MITF: variants seen among roughly 807,000 people sequenced by gnomAD.
The protein encoded by MITF is microphthalmia-associated transcription factor.
A neutral mutation model predicts 60.5 loss-of-function variants in MITF; 17 were observed. The ratio of observed to expected loss-of-function variants is 0.28; its 90% CI spans 0.19 to 0.42. The LOEUF (loss-of-function observed/expected upper bound fraction) is 0.42, where lower values mean the gene tolerates loss of function less well. Ranked by LOEUF, MITF falls within the 10% of genes least tolerant of loss-of-function variation. MITF has a pLI of 1.00. For missense variants in MITF, 622 were observed against 683.5 expected, an observed-to-expected ratio of 0.91 and a Z score of 1.00; for synonymous variants, 260 against 248.5, an observed-to-expected ratio of 1.05 and a Z score of -0.43.
chr3:69,942,915 G>C (rs2066003086), intron 5 of MITF, among the ~76,000 whole-genome samples: 1 of 152,108 alleles, frequency 6.6e-6, no homozygotes, highest in South Asian at 2.1e-4. Context: ...TTTGCTGTGA[G>C]AGTGGTCATT....
intron 1 of MITF, among the ~76,000 whole-genome samples, chr3:69,775,618 T>G (rs1157097051): frequency 6.6e-6 from 1 of 152,218 alleles, no homozygotes; most frequent in African/African-American, 2.4e-5. Context: ...TAATTCTGTT[T>G]CCAGAAATGA....
At chr3:69,946,480 C>T (rs573361524) in intron 5 of MITF, among the ~76,000 whole-genome samples, 2 of 152,208 alleles carry the variant, frequency 1.3e-5, no homozygotes, top group Admixed American at 6.5e-5. Context: ...CGTGAGCCTC[C>T]GACCAAAAAC....
At chr3:69,826,835 C>G (rs2063362840) in intron 1 of MITF, among the ~76,000 whole-genome samples, 1 of 152,134 alleles carries the variant, frequency 6.6e-6, no homozygotes, top group South Asian at 2.1e-4. Flanking sequence ...GCTTATTTTA[C>G]TATTTGTATC....
chr3:69,883,337 C>G (rs753464481), intron 2 of MITF, among the ~76,000 whole-genome samples: 2 of 152,146 alleles, frequency 1.3e-5, no homozygotes, highest in African/African-American at 2.4e-5. Flanking sequence ...TGGTGGTTAT[C>G]TCGTCAAAGT....
chr3:69,781,375 A>G (rs2062561122), intron 1 of MITF, among the ~76,000 whole-genome samples: 1 of 152,268 alleles, frequency 6.6e-6, no homozygotes, highest in African/African-American at 2.4e-5. Context: ...ACTAAAATGT[A>G]CTTTATCATG....
At chr3:69,935,130 T>G (rs2065804383) in intron 2 of MITF, among the ~76,000 whole-genome samples, 1 of 152,222 alleles carries the variant, frequency 6.6e-6, no homozygotes, top group East Asian at 1.9e-4. Flanking sequence ...TTATGTTGCC[T>G]GTTTGAGGTA....
intron 1 of MITF, among the ~76,000 whole-genome samples, chr3:69,848,162 A>G (rs1229269227): frequency 6.6e-6 from 1 of 152,224 alleles, no homozygotes; most frequent in Non-Finnish European, 1.5e-5. Flanking sequence ...TTCAGAGAGA[A>G]TTGTTGGAAT....
intron 2 of MITF, among the ~76,000 whole-genome samples, chr3:69,929,555 A>G (rs567673309): frequency 6.6e-6 from 1 of 152,176 alleles, no homozygotes; most frequent in East Asian, 1.9e-4. Flanking sequence ...TGTGAATAGC[A>G]TTGATGTAGG....
chr3:69,925,217 C>T (rs1485972731), intron 2 of MITF, among the ~76,000 whole-genome samples: 1 of 152,022 alleles, frequency 6.6e-6, no homozygotes, highest in Non-Finnish European at 1.5e-5. Context: ...GATCCATGAG[C>T]CCATTTTGTA....
chr3:69,827,985 A>C (rs1438643754), intron 1 of MITF, among the ~76,000 whole-genome samples: 1 of 152,188 alleles, frequency 6.6e-6, no homozygotes, highest in Non-Finnish European at 1.5e-5. Flanking sequence ...TGCAGCTTCA[A>C]AGTAAGAGTT....
chr3:69,779,812 C>T (rs972568246), intron 1 of MITF, among the ~76,000 whole-genome samples: 3 of 152,106 alleles, frequency 2.0e-5, no homozygotes, highest in African/African-American at 7.2e-5. Flanking sequence ...CCAGTAGTAA[C>T]ATTTAGTATA....
chr3:69,847,419 C>G (rs776960602), intron 1 of MITF, among the ~76,000 whole-genome samples: 5 of 152,134 alleles, frequency 3.3e-5, no homozygotes, highest in South Asian at 2.1e-4. Context: ...GGCGTGAAGG[C>G]CAGACCTAGT....
chr3:69,744,528 T>A (rs558286980), intron 1 of MITF, among the ~76,000 whole-genome samples: 2 of 152,288 alleles, frequency 1.3e-5, no homozygotes, highest in South Asian at 4.1e-4. Context: ...ATATAAGTGT[T>A]ACATTGACTG....
intron 2 of MITF, among the ~76,000 whole-genome samples, chr3:69,921,747 A>G (rs998407606): frequency 1.3e-5 from 2 of 152,194 alleles, no homozygotes; most frequent in African/African-American, 4.8e-5. Context: ...GGGCTTGACT[A>G]GTTTCTGTGC....
intron 1 of MITF, among the ~76,000 whole-genome samples, chr3:69,760,935 T>G (rs2062202567): frequency 6.6e-6 from 1 of 152,210 alleles, no homozygotes; most frequent in African/African-American, 2.4e-5. Flanking sequence ...CTTGGAATTC[T>G]TTTAGAAAGA....
chr3:69,839,923 G>C (rs1232526441), intron 1 of MITF, among the ~76,000 whole-genome samples: 3 of 150,710 alleles, frequency 2.0e-5, no homozygotes. Context: ...CTGAAACCCT[G>C]TTGCAAGGGC....
At position 69,950,629 on chromosome 3, in the gene MITF, A is replaced by G. The variant is rs533272458; in HGVS notation, c.881-1183A>G. Among the ~76,000 whole-genome samples, 738 of 143,790 alleles carry G rather than the reference A, an allele frequency of 5.1e-3. 5 individuals carry two copies. Among genetic ancestry groups the G allele is most frequent in the Middle Eastern group, 0.019 (5 of 258 alleles). The allele number at this position is 143,790 out of a possible 152,430, so 94.3% of individuals were successfully genotyped here. On this transcript the variant is annotated intron_variant, in intron 6 of 9. Transcript: ENST00000352241. ...CATATAATAAATATATATGGTGTGT[A>G]TATATATATATATATATATGCTTCA...
chr3:69,889,487 TA>T (rs372955963), intron 2 of MITF, among the ~76,000 whole-genome samples: 1,394 of 129,870 alleles, frequency 0.011, 2 homozygotes, highest in Middle Eastern at 0.023. Context: ...CTAAAAATAG[TA>T]AAAAAAAAAA....
At chr3:69,842,073 G>A (rs1305550298) in intron 1 of MITF, among the ~76,000 whole-genome samples, 3 of 152,026 alleles carry the variant, frequency 2.0e-5, no homozygotes, top group East Asian at 1.9e-4. Context: ...TGAAGTGAGC[G>A]GTGTCCTCTG....
Sources: allele counts gnomAD v4.1 joint callset (sites outside exome capture counted in the v4.1 genomes callset), GRCh38; gene constraint gnomAD v4.1.1; transcripts MANE v1.5; gene names NCBI Gene and HGNC (gene_info 2026-07-23, HGNC 2026-07-21).